Variants in NUP107 observed in about 807,000 individuals in gnomAD.
NUP107 encodes the protein nucleoporin 107.
NUP107 carries 101 observed loss-of-function variants against 141.0 expected under a neutral mutation model. The ratio of observed to expected loss-of-function variants is 0.72; its 90% confidence interval spans 0.61 to 0.84. The LOEUF (loss-of-function observed/expected upper bound fraction) is 0.84, where lower values mean the gene tolerates loss of function less well. Ranked by LOEUF, NUP107 falls within the 40% of genes least tolerant of loss-of-function variation. The pLI is 0.00. For synonymous variants in NUP107, 319 were observed against 363.9 expected (o/e 0.88, Z 1.41); for missense variants, 941 against 1,102.7 (o/e 0.85, Z 2.08).
chr12:68,712,167 A>G (rs534689748), intron 10 of NUP107, among the ~76,000 whole-genome samples: 1 of 152,274 alleles, frequency 6.6e-6, no homozygotes, highest in Non-Finnish European at 1.5e-5. Flanking sequence ...GCATGGTTTA[A>G]GACTTGCAAA....
intron 7 of NUP107, among the ~76,000 whole-genome samples, chr12:68,702,174 A>T (rs1193042401): frequency 6.6e-6 from 1 of 152,132 alleles, no homozygotes; most frequent in Non-Finnish European, 1.5e-5. Flanking sequence ...TTTTTAGTAG[A>T]GACAGGGTTT....
chr12:68,730,410 G>C lies in NUP107; in HGVS notation c.1735-700G>C, dbSNP rs186444846. 2.6e-3 allele frequency among the ~76,000 whole-genome samples: 393 copies of C among 151,776 alleles called. 3 individuals carry two copies. The East Asian group carries it at 0.039, about 15-fold the overall frequency. On this transcript the variant is annotated intron_variant, in intron 20 of 27. Coordinates refer to ENST00000229179, the MANE Select transcript of NUP107 (RefSeq NM_020401.4). ...ATTTTTGTATTTTTAGTAGAGACAG[G>C]GTTTTGTCTTGTTGGCCAGGCTGGT...
intron 8 of NUP107, among the ~76,000 whole-genome samples, chr12:68,703,949 C>T (rs185214098): frequency 6.6e-6 from 1 of 152,232 alleles, no homozygotes; most frequent in African/African-American, 2.4e-5. Context: ...AGGCACATGC[C>T]TGTGGTCCCA....
chr12:68,721,815 GT>G, intron 15 of NUP107, 25 bp from the exon 16 acceptor site: 1 of 1,606,082 alleles, frequency 6.2e-7, no homozygotes, highest in Non-Finnish European at 8.5e-7. Context: ...ATGTCTATAT[GT>G]TTCTGTTTTG....
intron 5 of NUP107, among the ~76,000 whole-genome samples, chr12:68,695,345 A>G (rs1038610742): frequency 1.3e-5 from 2 of 152,232 alleles, no homozygotes; most frequent in African/African-American, 2.4e-5. Flanking sequence ...GATTCATAGT[A>G]GCCAAAAGGT....
chr12:68,728,636 G>A (rs1249196116), intron 20 of NUP107, among the ~76,000 whole-genome samples: 41 of 150,494 alleles, frequency 2.7e-4, no homozygotes, highest in Admixed American at 2.1e-3. Context: ...GATCTTTAAC[G>A]CCTGACCTCA....
At chr12:68,711,616 G>A (rs901333887) in intron 10 of NUP107, among the ~76,000 whole-genome samples, 7 of 151,954 alleles carry the variant, frequency 4.6e-5, no homozygotes, top group African/African-American at 1.7e-4. Context: ...GCTTTTCTAA[G>A]GTAGTAAGAG....
At chr12:68,705,676 T>C in intron 8 of NUP107, 1 of 615,916 alleles carries the variant, frequency 1.6e-6, no homozygotes, top group Non-Finnish European at 3.0e-6. Context: ...GGTGTCCAAC[T>C]CTGGCCCAAG....
intron 19 of NUP107, 58 bp from the exon 20 acceptor site, chr12:68,727,293 A>G (rs1877604855): frequency 3.6e-6 from 3 of 844,758 alleles, no homozygotes; most frequent in Non-Finnish European, 5.8e-6. Context: ...TGTATCAAAA[A>G]TTTTGTTACT....
At chr12:68,718,854 G>A (rs1313380660) in intron 12 of NUP107, among the ~76,000 whole-genome samples, 1 of 147,744 alleles carries the variant, frequency 6.8e-6, no homozygotes, top group African/African-American at 2.5e-5. Flanking sequence ...CATTATGTAT[G>A]TATGTATGTA....
intron 14 of NUP107, among the ~76,000 whole-genome samples, chr12:68,719,944 TA>T (rs1877285491): frequency 6.6e-6 from 1 of 152,224 alleles, no homozygotes; most frequent in Non-Finnish European, 1.5e-5. Context: ...ATTGAACTTT[TA>T]AAACTTAGTA....
chr12:68,725,340 G>A (rs1205463194), intron 17 of NUP107, among the ~76,000 whole-genome samples: 1 of 151,874 alleles, frequency 6.6e-6, no homozygotes, highest in Non-Finnish European at 1.5e-5. Flanking sequence ...TTCATGTACT[G>A]CTGCTCATGT....
Position 68,714,039 on chromosome 12 carries a change from A to T in NUP107, c.969+231A>T, listed in dbSNP as rs575209727. 3.5e-5 allele frequency: 16 copies of T among 454,894 alleles called. No individual in the cohort carries two copies. The South Asian group carries it at 5.7e-4, about 16-fold the overall frequency. 28.2% of individuals were successfully genotyped at this position (454,894 alleles called of 1,614,324 possible). On this transcript the variant is annotated intron_variant, in intron 11 of 27. Transcript: ENST00000229179. The stretch of plus-strand genomic sequence containing the variant: ...TGGAAAGTATACTTAACTTGACAGC[A>T]TTAAAAACAAATTAATTTTGGTCTT...
Position 68,689,467 on chromosome 12 carries a change from G to C in NUP107, c.101-66G>C. Reference sequence around the variant, plus strand: ...ATTCACATAATTTGTATAGTAAAAAGATGGTTAATTCTCATTTTAGTGATC... The same window carrying C: ...ATTCACATAATTTGTATAGTAAAAACATGGTTAATTCTCATTTTAGTGATC... On this transcript the variant is annotated intron_variant, in intron 2 of 27. Transcript: ENST00000229179. The C allele has an allele frequency of 6.6e-6, 6 of 913,930 alleles. No individual in the cohort carries two copies. The Admixed American group carries it at 7.1e-5, about 11-fold the overall frequency. 56.6% of individuals were successfully genotyped at this position (913,930 alleles called of 1,614,324 possible).
At chr12:68,737,560 CAA>C (rs757208798) in intron 26 of NUP107, among the ~76,000 whole-genome samples, 2 of 72,062 alleles carry the variant, frequency 2.8e-5, no homozygotes, top group Non-Finnish European at 5.4e-5. Context: ...GACCCTGTCT[CAA>C]AAAAAAAAAA....
intron 8 of NUP107, chr12:68,707,029 T>C (rs1876616454): frequency 1.7e-6 from 1 of 604,024 alleles, no homozygotes; most frequent in Admixed American, 2.8e-5. Context: ...AGACCCACGA[T>C]GGAAAGCTAG....
chr12:68,725,898 T>G (rs898169263), intron 18 of NUP107, 102 bp downstream of exon 18: 8 of 635,446 alleles, frequency 1.3e-5, no homozygotes, highest in African/African-American at 1.9e-5. Context: ...GTGCAGTGGC[T>G]CAGTCTCAGC....
rs1002273316 is a variant in NUP107 at position 68,704,902 on chromosome 12, G to C, written c.729+2118G>C. Among the ~76,000 whole-genome samples the C allele has an allele frequency of 3.1e-4, 47 of 150,846 alleles. 1 individual carries two copies. The highest frequency in any genetic ancestry group is 1.4e-3 in the East Asian group (7 of 5,106). The stretch of plus-strand genomic sequence containing the variant: ...TTTTGGGGGGTGGCCAGCACGGCGG[G>C]GACATGGTCTCACTTTGTCTCACAG... On this transcript the variant is annotated intron_variant, in intron 8 of 27. Coordinates refer to ENST00000229179, the MANE Select transcript of NUP107 (RefSeq NM_020401.4).
intron 20 of NUP107, among the ~76,000 whole-genome samples, chr12:68,730,648 A>C (rs1877782736): frequency 6.6e-6 from 1 of 152,220 alleles, no homozygotes; most frequent in Non-Finnish European, 1.5e-5. Flanking sequence ...TTAAGAGCCA[A>C]CTGTACTCAC....
Sources: allele counts gnomAD v4.1 joint callset (sites outside exome capture counted in the v4.1 genomes callset), GRCh38; gene constraint gnomAD v4.1.1; transcripts MANE v1.5; gene names NCBI Gene and HGNC (gene_info 2026-07-23, HGNC 2026-07-21).